The following MYO16 variants were observed in gnomAD, a reference collection of about 807,000 sequenced individuals.
MYO16 encodes unconventional myosin-XVI.
In MYO16, 94 loss-of-function variants were observed where a neutral mutation model predicts 205.3. The ratio of observed to expected loss-of-function variants is 0.46; its 90% CI spans 0.39 to 0.54. MYO16 has a LOEUF of 0.54. Ranked by LOEUF, MYO16 falls within the 20% of genes least tolerant of loss-of-function variation. The pLI, the probability that MYO16 is intolerant of heterozygous loss-of-function variation, is 0.00. For synonymous variants in MYO16, 988 were observed against 954.0 expected (o/e 1.04, Z -0.66); for missense variants, 2,315 against 2,387.5 (o/e 0.97, Z 0.63).
rs186319496 is a variant in MYO16, at chr13:109,092,527, T to A, written c.3336-8258T>A. Among the ~76,000 whole-genome samples, 5 of 152,134 alleles carry A rather than the reference T, an allele frequency of 3.3e-5. No individual in the cohort carries two copies. The East Asian group carries it at 9.7e-4, about 29-fold the overall frequency. ...TTCTCACTTATAAGTGGGAGTTAAA[T>A]GATAAGAACTCATGAACACAGAGAA... On this transcript the variant is annotated intron_variant, in intron 27 of 34. Coordinates refer to ENST00000457511, the MANE Select transcript of MYO16 (RefSeq NM_001198950.3).
intron 27 of MYO16, among the ~76,000 whole-genome samples, chr13:109,094,327 C>T (rs1202539112): frequency 6.6e-6 from 1 of 152,124 alleles, no homozygotes; most frequent in African/African-American, 2.4e-5. Context: ...CCTCCTGCCT[C>T]AGCCTCCTGA....
intron 20 of MYO16, among the ~76,000 whole-genome samples, chr13:108,980,499 G>A (rs1884415948): frequency 6.6e-6 from 1 of 152,156 alleles, no homozygotes; most frequent in South Asian, 2.1e-4. Context: ...ACACTGCAGT[G>A]CCGTACAGAA....
At chr13:108,963,461 T>C (rs1416681785) in intron 19 of MYO16, among the ~76,000 whole-genome samples, 1 of 152,200 alleles carries the variant, frequency 6.6e-6, no homozygotes, top group Non-Finnish European at 1.5e-5. Flanking sequence ...TCCTACTGCC[T>C]TCCCTTCATT....
intron 34 of MYO16, among the ~76,000 whole-genome samples, chr13:109,197,152 G>A (rs1170689434): frequency 3.3e-5 from 5 of 152,160 alleles, no homozygotes; most frequent in Admixed American, 1.3e-4. Flanking sequence ...GATCTATTTA[G>A]GCATGTTGAA....
At chr13:109,107,656 T>C (rs1381856054) in intron 28 of MYO16, among the ~76,000 whole-genome samples, 1 of 151,930 alleles carries the variant, frequency 6.6e-6, no homozygotes, top group African/African-American at 2.4e-5. Flanking sequence ...AAATCAACTA[T>C]AATTACAAGC....
chr13:108,680,401 C>T (rs542088084), intron 2 of MYO16, among the ~76,000 whole-genome samples: 1 of 152,286 alleles, frequency 6.6e-6, no homozygotes, highest in East Asian at 1.9e-4. Context: ...TTCCATTCAT[C>T]TTATTGAATG....
At chr13:108,735,364 T>C (rs1884659217) in intron 4 of MYO16, among the ~76,000 whole-genome samples, 1 of 151,772 alleles carries the variant, frequency 6.6e-6, no homozygotes, top group African/African-American at 2.4e-5. Context: ...ATGTGGTGTT[T>C]GGTTTTCTGT....
intron 13 of MYO16, among the ~76,000 whole-genome samples, chr13:108,884,844 G>A (rs1230505606): frequency 6.8e-6 from 1 of 147,736 alleles, no homozygotes; most frequent in East Asian, 2.0e-4. Context: ...ACCCATTCTA[G>A]ACATGAGGAT....
chr13:109,144,278 G>C (rs1362469204), intron 32 of MYO16, among the ~76,000 whole-genome samples: 6 of 152,106 alleles, frequency 3.9e-5, no homozygotes, highest in Admixed American at 2.6e-4. Flanking sequence ...GCCTCCCAAA[G>C]TGCTGGGATT....
At chr13:108,594,996 G>T (rs1298212866), upstream of MYO16, among the ~76,000 whole-genome samples, 1 of 152,118 alleles carries the variant, frequency 6.6e-6, no homozygotes, top group Non-Finnish European at 1.5e-5. Flanking sequence ...AAGACACAGT[G>T]AATTCTGGCT....
intron 16 of MYO16, among the ~76,000 whole-genome samples, chr13:108,937,533 T>A (rs973550488): frequency 3.3e-5 from 5 of 152,214 alleles, no homozygotes; most frequent in African/African-American, 1.2e-4. Context: ...GTTTACATAA[T>A]CCCATATTTC....
At chr13:108,753,308 T>C (rs1885304062) in intron 4 of MYO16, among the ~76,000 whole-genome samples, 1 of 141,712 alleles carries the variant, frequency 7.1e-6, no homozygotes, top group Admixed American at 7.5e-5. Flanking sequence ...AGGTGGAGGT[T>C]GCAGTGAGTC....
Position 108,866,235 on chromosome 13 carries a change from C to A in MYO16, c.1418C>A (p.Ser473Tyr). ...VNPYKELPIYSSMVSQLYFSS... is the reference protein window; with the variant it reads ...VNPYKELPIYYSMVSQLYFSS... ...CCATACAAGGAGCTTCCAATTTATT[C>A]TTCCATGGTGAGCACAAAATTTTAA... is the stretch of plus-strand genomic sequence containing the variant. The change falls in exon 12 of 35, where the codon TCT (serine) becomes TAT (tyrosine). Residue 473 changes from serine (S) to tyrosine (Y), a missense_variant. Ser to Tyr is a moderately radical substitution (Grantham distance 144, BLOSUM62 -2). This residue lies in a region of MYO16 where 1,213 missense variants were observed against 1,274.4 expected (regional missense o/e 0.95). Coordinates refer to ENST00000457511, the MANE Select transcript of MYO16 (RefSeq NM_001198950.3). The A allele has an allele frequency of 1.3e-6, 2 of 1,589,974 alleles. No homozygotes were observed. Among genetic ancestry groups the A allele is most frequent in the Non-Finnish European group, 1.7e-6 (2 of 1,162,220 alleles).
At position 108,709,254 on chromosome 13, in the gene MYO16, G is replaced by A. The variant is rs534957162; in HGVS notation, c.293-3407G>A. On this transcript the variant is annotated intron_variant, in intron 2 of 34. Transcript: ENST00000457511. Reference sequence around the variant, plus strand: ...AATCATGTTATTACAAAGTTGCTATGAACCCGTACCTTTTTGGATAAAGTA... The same window carrying A: ...AATCATGTTATTACAAAGTTGCTATAAACCCGTACCTTTTTGGATAAAGTA... 5.3e-5 allele frequency among the ~76,000 whole-genome samples: 8 copies of A among 152,274 alleles called. No homozygotes were observed. In the South Asian group the frequency reaches 1.7e-3, roughly 32 times the overall value.
intron 4 of MYO16, among the ~76,000 whole-genome samples, chr13:108,772,583 A>T (rs1886001788): frequency 6.6e-6 from 1 of 152,080 alleles, no homozygotes; most frequent in Non-Finnish European, 1.5e-5. Context: ...ATTACATCCT[A>T]AGCCTTGGAA....
chr13:108,536,009 G>A, the MYO16 span, among the ~76,000 whole-genome samples: 18 of 148,450 alleles, frequency 1.2e-4, no homozygotes, highest in East Asian at 1.0e-3. Context: ...GTGTATATGC[G>A]CATACGTGTG....
In MYO16 at chr13:108,920,616, G is replaced by A. The variant is rs148349998; in HGVS notation, c.1925+10466G>A. 8.3e-3 allele frequency among the ~76,000 whole-genome samples: 1,267 copies of A among 152,038 alleles called. 15 individuals are homozygous for A. Among genetic ancestry groups the A allele is most frequent in the African/African-American group, 0.029 (1,208 of 41,448 alleles). On this transcript the variant is annotated intron_variant, in intron 16 of 34. Coordinates refer to ENST00000457511, the MANE Select transcript of MYO16 (RefSeq NM_001198950.3). ...TGGGATTACAGGTGCCTGCCACCAC[G>A]CCCGGCTAATTTTTGTATTATTAGT...
intron 24 of MYO16, among the ~76,000 whole-genome samples, chr13:109,049,661 ATG>A (rs1887173216): frequency 6.6e-6 from 1 of 152,150 alleles, no homozygotes; most frequent in Admixed American, 6.5e-5. Context: ...TAAGAATAAA[ATG>A]TTGCATTGCT....
intron 27 of MYO16, among the ~76,000 whole-genome samples, chr13:109,061,368 T>G (rs1458459593): frequency 1.3e-5 from 2 of 152,198 alleles, no homozygotes; most frequent in Non-Finnish European, 2.9e-5. Flanking sequence ...CGTCTTGACT[T>G]TTGACATGCT....
Sources: gnomAD v4.1 joint callset for allele counts (sites outside exome capture counted in the v4.1 genomes callset) on GRCh38, gnomAD v4.1.1 for gene constraint, gnomAD v4.1.1 regional missense constraint, MANE v1.5 for transcripts, NCBI Gene and HGNC (gene_info 2026-07-23, HGNC 2026-07-21) for gene names.